Variants in SNX13 observed in about 807,000 individuals in gnomAD.
The protein encoded by SNX13 is sorting nexin-13.
A neutral mutation model predicts 133.6 loss-of-function variants in SNX13; 45 were observed. The observed-to-expected ratio is 0.34, with a 90% CI of 0.27 to 0.43. SNX13 has a LOEUF of 0.43. Ranked by LOEUF, SNX13 falls within the 20% of genes least tolerant of loss-of-function variation. The pLI, the probability that SNX13 is intolerant of heterozygous loss-of-function variation, is 1.00. For synonymous variants in SNX13, 414 were observed against 373.9 expected (o/e 1.11, Z -1.24); for missense variants, 1,032 against 1,145.1 (o/e 0.90, Z 1.43).
At chr7:17,888,378 T>A (rs917036263) in intron 5 of SNX13, 5 of 197,506 alleles carry the variant, frequency 2.5e-5, no homozygotes, top group Non-Finnish European at 5.2e-5. Flanking sequence ...ATACCTACAG[T>A]GAAAAGAAAG....
chr7:17,800,564 T>C (rs1007730074), intron 22 of SNX13, among the ~76,000 whole-genome samples: 1 of 151,878 alleles, frequency 6.6e-6, no homozygotes, highest in East Asian at 1.9e-4. Flanking sequence ...AAGAAAATTA[T>C]AGGACATCTC....
At position 17,940,416 on chromosome 7, in the gene SNX13, G is replaced by C. The variant is rs1461896426; in HGVS notation, c.-121C>G. On this transcript the variant is annotated 5_prime_UTR_variant, in exon 1 of 26. Coordinates refer to ENST00000428135, the MANE Select transcript of SNX13 (RefSeq NM_015132.5). The stretch of plus-strand genomic sequence containing the variant: ...CAACTGCTCCTTCAGTCTTCTCCCG[G>C]GCGGCGGTTTTACTCGGCTTCGCTG... 4.1e-6 allele frequency: 5 copies of C among 1,224,038 alleles called. No individual in the cohort carries two copies. The South Asian group carries it at 6.4e-5, about 16-fold the overall frequency. 75.8% of individuals were successfully genotyped at this position (1,224,038 alleles called of 1,614,324 possible).
At chr7:17,800,611 A>C (rs1298077852) in intron 22 of SNX13, among the ~76,000 whole-genome samples, 1 of 151,714 alleles carries the variant, frequency 6.6e-6, no homozygotes, top group East Asian at 1.9e-4. Context: ...CATATATAGC[A>C]CAAGAAAGAA....
intron 12 of SNX13, among the ~76,000 whole-genome samples, chr7:17,840,964 T>C (rs949090601): frequency 6.6e-6 from 1 of 151,986 alleles, no homozygotes; most frequent in Non-Finnish European, 1.5e-5. Context: ...TTCCAGCTCT[T>C]AGCACAACTG....
intron 13 of SNX13, 85 bp from the exon 14 acceptor site, chr7:17,834,950 T>C (rs2128312262): frequency 1.3e-6 from 1 of 778,384 alleles, no homozygotes; most frequent in East Asian, 2.9e-5. Context: ...TGGAATCATA[T>C]TATTGAAAAT....
At chr7:17,797,802 C>T (rs1279091540) in intron 24 of SNX13, among the ~76,000 whole-genome samples, 2 of 151,892 alleles carry the variant, frequency 1.3e-5, no homozygotes, top group South Asian at 4.1e-4. Context: ...GGCAGCTAGT[C>T]CAAGTTTTGG....
In SNX13 at chr7:17,869,892, AC is replaced by A. The variant is rs1793866740; in HGVS notation, c.754-1403del. The stretch of plus-strand genomic sequence containing the variant: ...CACACACACACAGACACACACACAC[AC>A]ACACACACACTTTTTCCAATGCTTC... On this transcript the variant is annotated intron_variant, in intron 8 of 25. Coordinates refer to ENST00000428135, the MANE Select transcript of SNX13 (RefSeq NM_015132.5). 2.6e-5 allele frequency among the ~76,000 whole-genome samples: 4 copies of A among 151,744 alleles called. No individual in the cohort carries two copies. In the South Asian group the frequency reaches 8.4e-4, roughly 32 times the overall value.
chr7:17,801,313 A>G (rs755444926), intron 22 of SNX13, among the ~76,000 whole-genome samples: 2 of 151,774 alleles, frequency 1.3e-5, no homozygotes, highest in Non-Finnish European at 3.0e-5. Flanking sequence ...TATACAAAGT[A>G]TAAAAGCAGA....
At chr7:17,932,960 C>T (rs1801573304) in intron 1 of SNX13, among the ~76,000 whole-genome samples, 1 of 152,194 alleles carries the variant, frequency 6.6e-6, no homozygotes, top group Admixed American at 6.5e-5. Context: ...TTTCTGAGGA[C>T]AGGTTTCCCA....
chr7:17,830,267 C>G, intron 15 of SNX13: 1 of 983,314 alleles, frequency 1.0e-6, no homozygotes, highest in Non-Finnish European at 1.2e-6. Flanking sequence ...TAGTATGTAC[C>G]TGATAGCTGG....
chr7:17,865,776 G>C (rs1793325185), intron 9 of SNX13, among the ~76,000 whole-genome samples: 1 of 152,060 alleles, frequency 6.6e-6, no homozygotes, highest in African/African-American at 2.4e-5. Context: ...GCAGGGTACT[G>C]GCATAAAAAC....
At chr7:17,816,078 G>T (rs1004434793) in intron 19 of SNX13, 104 bp downstream of exon 19, 1 of 1,282,848 alleles carries the variant, frequency 7.8e-7, no homozygotes, top group Admixed American at 3.1e-5. Flanking sequence ...GCTACCCTGT[G>T]ATTACAGTAA....
intron 1 of SNX13, chr7:17,907,473 T>C (rs1798522616): frequency 6.6e-6 from 1 of 152,186 alleles, no homozygotes; most frequent in Non-Finnish European, 1.5e-5. Flanking sequence ...CAACAGCACT[T>C]TTTAAAATTC....
intron 11 of SNX13, among the ~76,000 whole-genome samples, chr7:17,849,001 A>C (rs956036080): frequency 6.6e-6 from 1 of 152,072 alleles, no homozygotes; most frequent in African/African-American, 2.4e-5. Flanking sequence ...GTGCATTCCT[A>C]CTTACACACA....
At chr7:17,811,875 T>C (rs937850343) in intron 20 of SNX13, among the ~76,000 whole-genome samples, 3 of 152,076 alleles carry the variant, frequency 2.0e-5, no homozygotes, top group Non-Finnish European at 2.9e-5. Flanking sequence ...TTGAAAACCC[T>C]GACAAAAACA....
At chr7:17,794,382 G>C in intron 25 of SNX13, 90 bp from the exon 26 acceptor site, 1 of 1,451,986 alleles carries the variant, frequency 6.9e-7, no homozygotes, top group Non-Finnish European at 9.2e-7. Flanking sequence ...GTACACAGCA[G>C]AGTAACTGAT....
At chr7:17,926,766 G>C (rs1338753568) in intron 1 of SNX13, among the ~76,000 whole-genome samples, 1 of 152,080 alleles carries the variant, frequency 6.6e-6, no homozygotes, top group Non-Finnish European at 1.5e-5. Flanking sequence ...CGTGCCTGTA[G>C]TCCCAGCTAC....
Position 17,845,665 on chromosome 7 carries a change from G to A in SNX13, c.1095C>T (p.Asn365=), listed in dbSNP as rs1413605460. 6.2e-7 allele frequency: 1 copy of A among 1,600,664 alleles called. No individual in the cohort carries two copies. The highest frequency in any genetic ancestry group is 2.3e-5 in the East Asian group (1 of 44,378). ...GGGGGACTGTGCAAAGTTTCCCAAAGTTTGCTGCAAGTTTCACAGTATTTA... is the reference window on the plus strand; with the variant it reads ...GGGGGACTGTGCAAAGTTTCCCAAAATTTGCTGCAAGTTTCACAGTATTTA... ...KEINTVKLAA[N]FGKLCTVPLD... The change falls in exon 12 of 26, where the codon AAC becomes AAT. Residue 365 remains asparagine, a synonymous_variant. Transcript: ENST00000428135.
chr7:17,805,265 GCATGCA>G (rs1785159100), intron 20 of SNX13, among the ~76,000 whole-genome samples: 1 of 146,004 alleles, frequency 6.8e-6, no homozygotes, highest in African/African-American at 2.5e-5. Context: ...GCGCGCGCGC[GCATGCA>G]TGCACATGTG....
Sources: gnomAD v4.1 joint callset for allele counts (sites outside exome capture counted in the v4.1 genomes callset) on GRCh38, gnomAD v4.1.1 for gene constraint, MANE v1.5 for transcripts, NCBI Gene and HGNC (gene_info 2026-07-23, HGNC 2026-07-21) for gene names.